Variants in LDB2 observed in about 807,000 individuals in gnomAD.
LDB2 encodes LIM domain binding 2, also known as LIM domain-binding protein 2.
LDB2 carries 12 observed loss-of-function variants against 44.3 expected under a neutral mutation model. The observed-to-expected ratio is 0.27, with a 90% CI of 0.17 to 0.44. LDB2 has a LOEUF of 0.44. Ranked by LOEUF, LDB2 falls within the 20% of genes least tolerant of loss-of-function variation. The pLI is 1.00. For missense variants in LDB2, 344 were observed against 473.5 expected, an observed-to-expected ratio of 0.73 and a Z score of 2.54; for synonymous variants, 164 against 174.8, an observed-to-expected ratio of 0.94 and a Z score of 0.49.
chr4:16,847,765 C>A (rs900203620), intron 1 of LDB2, among the ~76,000 whole-genome samples: 3 of 152,118 alleles, frequency 2.0e-5, no homozygotes, highest in Non-Finnish European at 4.4e-5. Flanking sequence ...TACAGGCGCC[C>A]GCCACAGTGC....
intron 1 of LDB2, among the ~76,000 whole-genome samples, chr4:16,891,938 A>G (rs988335737): frequency 6.6e-6 from 1 of 152,218 alleles, no homozygotes; most frequent in Non-Finnish European, 1.5e-5. Flanking sequence ...ACTACCGTCT[A>G]TTTGACCTTG....
chr4:16,671,262 A>G (rs1239686388), intron 2 of LDB2, among the ~76,000 whole-genome samples: 1 of 152,174 alleles, frequency 6.6e-6, no homozygotes, highest in Non-Finnish European at 1.5e-5. Flanking sequence ...GTATCCTGGA[A>G]GAATAATCCT....
intron 2 of LDB2, among the ~76,000 whole-genome samples, chr4:16,677,083 T>TG (rs1376651061): frequency 1.3e-5 from 2 of 152,108 alleles, no homozygotes; most frequent in African/African-American, 4.8e-5. Flanking sequence ...GACAGTTAAG[T>TG]GGGGAGAGAA....
rs1471423259 is a variant in LDB2, at chr4:16,569,668, A to C, written c.615+16254T>G. On this transcript the variant is annotated intron_variant, in intron 5 of 7. Transcript: ENST00000304523. ...TGGGTCAGCCTCCATCCCTCCATCCATCCATCCATCCGTCCATCCATCCAT... is the reference window on the plus strand; with the variant it reads ...TGGGTCAGCCTCCATCCCTCCATCCCTCCATCCATCCGTCCATCCATCCAT... 2.0e-5 allele frequency among the ~76,000 whole-genome samples: 3 copies of C among 152,076 alleles called. No homozygotes were observed. The South Asian group carries it at 6.2e-4, about 32-fold the overall frequency.
chr4:16,815,691 C>G (rs1192896213), intron 1 of LDB2, among the ~76,000 whole-genome samples: 1 of 152,176 alleles, frequency 6.6e-6, no homozygotes, highest in African/African-American at 2.4e-5. Context: ...AAGAAGCTCT[C>G]AGTACTAGAT....
intron 1 of LDB2, among the ~76,000 whole-genome samples, chr4:16,807,545 T>A (rs1779013264): frequency 6.6e-6 from 1 of 152,210 alleles, no homozygotes. Flanking sequence ...CTGGCATAAA[T>A]TTCCCTGAGG....
chr4:16,850,370 A>G (rs1028045821), intron 1 of LDB2, among the ~76,000 whole-genome samples: 1 of 145,448 alleles, frequency 6.9e-6, no homozygotes, highest in Non-Finnish European at 1.5e-5. Flanking sequence ...CCTTGCATGC[A>G]AAAAAAAAAT....
intron 5 of LDB2, among the ~76,000 whole-genome samples, chr4:16,560,747 C>G (rs979104135): frequency 2.4e-4 from 36 of 152,190 alleles, no homozygotes; most frequent in African/African-American, 1.9e-4. Flanking sequence ...TACCAAAGCC[C>G]GGCAGAGACA....
At chr4:16,874,706 T>A (rs933363258) in intron 1 of LDB2, among the ~76,000 whole-genome samples, 14 of 152,218 alleles carry the variant, frequency 9.2e-5, no homozygotes, top group African/African-American at 3.4e-4. Context: ...AGTATTATTT[T>A]GAAGAATGCC....
At chr4:16,705,823 T>C (rs1754481425) in intron 2 of LDB2, among the ~76,000 whole-genome samples, 1 of 152,186 alleles carries the variant, frequency 6.6e-6, no homozygotes, top group Admixed American at 6.5e-5. Flanking sequence ...TAATGGTCTA[T>C]CATGAGTTCC....
intron 1 of LDB2, among the ~76,000 whole-genome samples, chr4:16,839,229 C>G (rs1332790289): frequency 1.3e-5 from 2 of 152,162 alleles, no homozygotes; most frequent in African/African-American, 4.8e-5. Flanking sequence ...GCTCATAATT[C>G]TGCTGGCTAG....
At chr4:16,816,849 C>A (rs1164347404) in intron 1 of LDB2, among the ~76,000 whole-genome samples, 2 of 152,128 alleles carry the variant, frequency 1.3e-5, no homozygotes, top group Non-Finnish European at 2.9e-5. Flanking sequence ...GTCTCAATTT[C>A]CCATTTCTCT....
intron 5 of LDB2, among the ~76,000 whole-genome samples, chr4:16,559,258 A>G (rs1211942103): frequency 6.6e-6 from 1 of 152,230 alleles, no homozygotes; most frequent in Non-Finnish European, 1.5e-5. Flanking sequence ...CAATTAAAAG[A>G]CACAGACTGG....
In LDB2 at chr4:16,670,135, G is replaced by A. The variant is rs571939921; in HGVS notation, c.236-74260C>T. Among the ~76,000 whole-genome samples the A allele has an allele frequency of 3.9e-5, 6 of 152,024 alleles. No individual in the cohort carries two copies. In the East Asian group the frequency reaches 5.8e-4, roughly 15 times the overall value. Reference sequence around the variant, plus strand: ...TCATTGATGAAGAGCTGAACCAAACGTAGAGATCTACTCTGCTGCCCAACA... The same window carrying A: ...TCATTGATGAAGAGCTGAACCAAACATAGAGATCTACTCTGCTGCCCAACA... On this transcript the variant is annotated intron_variant, in intron 2 of 7. Coordinates refer to ENST00000304523, the MANE Select transcript of LDB2 (RefSeq NM_001290.5).
chr4:16,742,746 A>G (rs986295781), intron 2 of LDB2, among the ~76,000 whole-genome samples: 2 of 152,216 alleles, frequency 1.3e-5, no homozygotes, highest in Non-Finnish European at 2.9e-5. Context: ...CAATAGGTTC[A>G]AAACACAAGT....
chr4:16,710,314 T>C (rs1755590811), intron 2 of LDB2, among the ~76,000 whole-genome samples: 1 of 152,146 alleles, frequency 6.6e-6, no homozygotes, highest in South Asian at 2.1e-4. Flanking sequence ...CATGAATACA[T>C]ACAGTCTGAA....
At chr4:16,769,262 T>G (rs934476639) in intron 1 of LDB2, among the ~76,000 whole-genome samples, 2 of 151,678 alleles carry the variant, frequency 1.3e-5, no homozygotes, top group Non-Finnish European at 2.9e-5. Context: ...AATCTCCCCT[T>G]TTTTACTTAT....
intron 5 of LDB2, among the ~76,000 whole-genome samples, chr4:16,525,147 C>T (rs1010183719): frequency 1.3e-5 from 2 of 152,126 alleles, no homozygotes; most frequent in Non-Finnish European, 2.9e-5. Flanking sequence ...GGGATAAGTA[C>T]CCGCAAGACT....
chr4:16,830,479 T>A (rs1783863598), intron 1 of LDB2, among the ~76,000 whole-genome samples: 1 of 152,152 alleles, frequency 6.6e-6, no homozygotes, highest in Non-Finnish European at 1.5e-5. Flanking sequence ...AATTACCCAG[T>A]CTCAGGTAGT....
Sources: gnomAD v4.1 joint callset for allele counts (sites outside exome capture counted in the v4.1 genomes callset) on GRCh38, gnomAD v4.1.1 for gene constraint, MANE v1.5 for transcripts, NCBI Gene and HGNC (gene_info 2026-07-23, HGNC 2026-07-21) for gene names.